SPIN3: variants seen among roughly 807,000 people sequenced by gnomAD.
SPIN3 encodes spindlin-3.
For synonymous variants in SPIN3, 74 were observed against 74.3 expected (o/e 1.00, Z 0.02); for missense variants, 176 against 196.4 (o/e 0.90, Z 0.62).
At chrX:56,980,567 T>A (rs1924094734) in intron 3 of SPIN3, 1 of 93,474 alleles carries the variant, frequency 1.1e-5, no homozygotes, top group South Asian at 5.5e-4. Flanking sequence ...TAAAAATGTA[T>A]CTCTCTTTTT....
chrX:56,991,207 T>C lies in SPIN3; in HGVS notation c.*2964A>G, dbSNP rs977181730. On this transcript the variant is annotated 3_prime_UTR_variant, in exon 2 of 2. Coordinates refer to ENST00000374919, the MANE Select transcript of SPIN3 (RefSeq NM_001010862.3). The stretch of plus-strand genomic sequence containing the variant: ...AAATAGATACCAGCTTTATAGCTGA[T>C]AGAGCTGGATTGGAGAACATGGCTT... 1 of 112,376 alleles carries C rather than the reference T, an allele frequency of 8.9e-6. No individual in the cohort carries two copies. The highest frequency in any genetic ancestry group is 1.9e-5 in the Non-Finnish European group (1 of 53,319). 9.3% of individuals were successfully genotyped at this position (112,376 alleles called of 1,213,427 possible).
At chrX:56,995,144 T>A (rs1569325908) in intron 1 of SPIN3, 72 bp downstream of exon 1, 2 of 420,366 alleles carry the variant, frequency 4.8e-6, no homozygotes, top group East Asian at 7.9e-5. Flanking sequence ...CCCAGCTCAG[T>A]CTGGCTAAGA....
chrX:56,986,277 A>G (rs759674044), downstream of SPIN3, among the ~76,000 whole-genome samples: 1 of 111,829 alleles, frequency 8.9e-6, no homozygotes, highest in Non-Finnish European at 1.9e-5. Context: ...TGTGTAAAAG[A>G]GGGTGATAGA....
At chrX:56,982,847 A>G (rs1924147460) in intron 3 of SPIN3, 2 of 112,361 alleles carry the variant, frequency 1.8e-5, no homozygotes, top group East Asian at 5.6e-4. Flanking sequence ...CCACCCAGGT[A>G]ATACAGTGAG....
At chrX:56,988,611 A>G (rs1472287059), downstream of SPIN3, among the ~76,000 whole-genome samples, 1 of 111,287 alleles carries the variant, frequency 9.0e-6, no homozygotes, top group Admixed American at 9.6e-5. Context: ...ATAGGAAATA[A>G]TAACTCTGAC....
chrX:56,992,173 G>A lies in SPIN3; in HGVS notation c.*1998C>T. ...CAGATATGGGGTTCCTTCAGCAGCT[G>A]CAGCCTTGGCTGTCTTCCTCTTGAC... On this transcript the variant is annotated 3_prime_UTR_variant, in exon 2 of 2. Transcript: ENST00000374919. 6.7e-6 allele frequency: 2 copies of A among 297,693 alleles called. No homozygotes were observed. Among genetic ancestry groups the A allele is most frequent in the Admixed American group, 1.2e-4 (2 of 16,524 alleles). The allele number at this position is 297,693 out of a possible 1,213,427, so 24.5% of individuals were successfully genotyped here.
intron 3 of SPIN3, chrX:56,979,503 A>G (rs1373644740): frequency 8.9e-6 from 1 of 112,382 alleles, no homozygotes; most frequent in East Asian, 2.8e-4. Flanking sequence ...CAGTATTCCA[A>G]GTGAGATTTA....
chrX:56,975,317 G>A (rs761469293), downstream of SPIN3: 1 of 111,151 alleles, frequency 9.0e-6, no homozygotes, highest in Admixed American at 9.6e-5. Flanking sequence ...CAACTGGAAG[G>A]GGGGGTGCTT....
chrX:56,987,039 G>A (rs1181272902), downstream of SPIN3, among the ~76,000 whole-genome samples: 1 of 112,144 alleles, frequency 8.9e-6, no homozygotes, highest in Non-Finnish European at 1.9e-5. Flanking sequence ...GCTGAGGCAG[G>A]AGAATTGCTT....
rs1178578238 is a variant in SPIN3 at position 56,992,464 on chromosome X, A to C, written c.*1707T>G. 6.8e-6 allele frequency: 2 copies of C among 295,833 alleles called. No individual in the cohort carries two copies. The highest frequency in any genetic ancestry group is 9.5e-5 in the East Asian group (2 of 20,997). 24.4% of individuals were successfully genotyped at this position (295,833 alleles called of 1,213,427 possible). On this transcript the variant is annotated 3_prime_UTR_variant, in exon 2 of 2. Transcript: ENST00000374919. ...AACATCATAGTAGAGACTTAGTGGCATCAAAAAGCAAAAGTAGACAGATAA... is the reference window on the plus strand; with the variant it reads ...AACATCATAGTAGAGACTTAGTGGCCTCAAAAAGCAAAAGTAGACAGATAA...
chrX:56,985,587 C>T (rs1405004329), intron 2 of SPIN3, among the ~76,000 whole-genome samples: 2 of 112,152 alleles, frequency 1.8e-5, no homozygotes, highest in Non-Finnish European at 3.8e-5. Context: ...ATTTCTTCCC[C>T]AGGTATTGAC....
chrX:56,992,489 A>C lies in SPIN3; in HGVS notation c.*1682T>G, dbSNP rs1408421677. On this transcript the variant is annotated 3_prime_UTR_variant, in exon 2 of 2. Coordinates refer to ENST00000374919, the MANE Select transcript of SPIN3 (RefSeq NM_001010862.3). ...ATCAAAAAGCAAAAGTAGACAGATA[A>C]AACATAGGAGAAAAGAGAACATCTT... The C allele has an allele frequency of 1.0e-5, 3 of 295,727 alleles. No individual in the cohort carries two copies. The highest frequency in any genetic ancestry group is 8.6e-4 in the Middle Eastern group (1 of 1,157). 24.4% of individuals were successfully genotyped at this position (295,727 alleles called of 1,213,427 possible). A position where few individuals can be genotyped will look rare whatever the true frequency, so the allele number is the denominator to read the frequency against.
At chrX:56,989,529 T>A (rs1348706677), downstream of SPIN3, among the ~76,000 whole-genome samples, 4 of 111,533 alleles carry the variant, frequency 3.6e-5, no homozygotes, top group Non-Finnish European at 7.5e-5. Context: ...CCTGGGCCAC[T>A]GACAAATACT....
chrX:56,989,473 C>T (rs1181085263), downstream of SPIN3, among the ~76,000 whole-genome samples: 1 of 111,252 alleles, frequency 9.0e-6, no homozygotes, highest in Non-Finnish European at 1.9e-5. Context: ...TACTGGAAAT[C>T]CATCTGGTTT....
intron 3 of SPIN3, chrX:56,981,795 C>T (rs779291660): frequency 1.8e-5 from 2 of 111,854 alleles, no homozygotes; most frequent in South Asian, 7.6e-4. Flanking sequence ...TATCTTTGCT[C>T]ATTATATGAC....
rs1233082436 is a variant in SPIN3, at chrX:56,995,375, C to T, written c.-162G>A. The T allele has an allele frequency of 7.9e-6, 1 of 126,637 alleles. No individual in the cohort carries two copies. The highest frequency in any genetic ancestry group is 3.2e-5 in the African/African-American group (1 of 31,265). 10.4% of individuals were successfully genotyped at this position (126,637 alleles called of 1,213,427 possible). A position where few individuals can be genotyped will look rare whatever the true frequency, so the allele number is the denominator to read the frequency against. On this transcript the variant is annotated 5_prime_UTR_variant, in exon 1 of 2. Coordinates refer to ENST00000374919, the MANE Select transcript of SPIN3 (RefSeq NM_001010862.3). ...AAGCTGGGAGAGGATGATCCATAGG[C>T]AATGAGTGTCTCTAAGAGGGCGGCG...
intron 1 of SPIN3, 107 bp downstream of exon 1, chrX:56,995,109 C>A (rs1277503904): frequency 2.0e-5 from 11 of 545,632 alleles, no homozygotes; most frequent in Non-Finnish European, 2.5e-5. Flanking sequence ...GGCACCCTGG[C>A]TGAGTGCCTG....
Position 56,993,824 on chromosome X carries a change from C to T in SPIN3, c.*347G>A. The T allele has an allele frequency of 7.2e-6, 1 of 138,482 alleles. No individual in the cohort carries two copies. Among genetic ancestry groups the T allele is most frequent in the South Asian group, 3.0e-4 (1 of 3,328 alleles). The allele number at this position is 138,482 out of a possible 1,213,427, so 11.4% of individuals were successfully genotyped here. A position where few individuals can be genotyped will look rare whatever the true frequency, so the allele number is the denominator to read the frequency against. The stretch of plus-strand genomic sequence containing the variant: ...ATGGGATATCTCAGCAAGCTTCACA[C>T]CTCAATGAGTGTAGAGTCCAAGTGC... On this transcript the variant is annotated 3_prime_UTR_variant, in exon 2 of 2. Coordinates refer to ENST00000374919, the MANE Select transcript of SPIN3 (RefSeq NM_001010862.3).
chrX:56,995,025 T>C (rs1924459439), intron 1 of SPIN3, 76 bp from the exon 2 acceptor site: 1 of 1,033,039 alleles, frequency 9.7e-7, no homozygotes, highest in Non-Finnish European at 1.3e-6. Context: ...CGGAGAGCTT[T>C]TTCTCCTAAT....
Sources: gnomAD v4.1 joint callset for allele counts (sites outside exome capture counted in the v4.1 genomes callset) on GRCh38, gnomAD v4.1.1 for gene constraint, MANE v1.5 for transcripts, NCBI Gene and HGNC (gene_info 2026-07-23, HGNC 2026-07-21) for gene names.